Variants in RGS6 observed in about 807,000 individuals in gnomAD.
The protein encoded by RGS6 is regulator of G protein signaling 6, also known as regulator of G-protein signaling 6.
A neutral mutation model predicts 78.5 loss-of-function variants in RGS6; 30 were observed. The ratio of observed to expected loss-of-function variants is 0.38; its 90% CI spans 0.29 to 0.52. RGS6 has a LOEUF of 0.52. RGS6 is among the 20% of genes least tolerant of loss of function. The pLI is 0.85. For synonymous variants in RGS6, 206 were observed against 206.0 expected (o/e 1.00, Z 0.00); for missense variants, 495 against 609.7 (o/e 0.81, Z 1.98).
intron 2 of RGS6, among the ~76,000 whole-genome samples, chr14:72,265,759 C>T (rs1302314680): frequency 2.0e-5 from 3 of 152,148 alleles, no homozygotes; most frequent in African/African-American, 4.8e-5. Flanking sequence ...CATGTACATC[C>T]CTACCTGAGC....
intron 2 of RGS6, among the ~76,000 whole-genome samples, chr14:72,242,004 T>A (rs1284425241): frequency 6.6e-6 from 1 of 152,260 alleles, no homozygotes; most frequent in East Asian, 1.9e-4. Flanking sequence ...GTGACCTATT[T>A]TATCTCAACG....
intron 2 of RGS6, among the ~76,000 whole-genome samples, chr14:72,046,720 A>T (rs539262231): frequency 2.0e-4 from 30 of 152,212 alleles, no homozygotes; most frequent in African/African-American, 7.2e-4. Context: ...TATTAGCATT[A>T]GAAGTATTCC....
chr14:72,144,759 T>C (rs1325486907), intron 2 of RGS6, among the ~76,000 whole-genome samples: 2 of 152,040 alleles, frequency 1.3e-5, no homozygotes, highest in Admixed American at 1.3e-4. Context: ...TTTTTTTTTT[T>C]TTTGAAGCGG....
chr14:72,166,864 A>G (rs1048020097), intron 2 of RGS6, among the ~76,000 whole-genome samples: 2 of 152,140 alleles, frequency 1.3e-5, no homozygotes, highest in African/African-American at 4.8e-5. Flanking sequence ...TTCACTGCCT[A>G]ATTTTTCATG....
At chr14:72,507,011 A>AAAAAG (rs1323777748) in intron 13 of RGS6, among the ~76,000 whole-genome samples, 2 of 138,040 alleles carry the variant, frequency 1.4e-5, no homozygotes, top group African/African-American at 3.1e-5. Flanking sequence ...AAAAAAAAAA[A>AAAAAG]AAAAAAAATT....
intron 15 of RGS6, among the ~76,000 whole-genome samples, chr14:72,534,621 A>G (rs192424247): frequency 2.6e-5 from 4 of 151,982 alleles, no homozygotes; most frequent in Admixed American, 6.5e-5. Flanking sequence ...TCATAGGTTG[A>G]CTCCATATCT....
intron 2 of RGS6, among the ~76,000 whole-genome samples, chr14:72,288,555 T>C (rs1484890854): frequency 6.6e-6 from 1 of 152,178 alleles, no homozygotes; most frequent in Non-Finnish European, 1.5e-5. Context: ...GGAAAGATGA[T>C]AGCACAGGCT....
At chr14:72,484,091 G>A (rs959469651) in intron 12 of RGS6, among the ~76,000 whole-genome samples, 3 of 152,040 alleles carry the variant, frequency 2.0e-5, no homozygotes, top group African/African-American at 7.2e-5. Context: ...CTGGTTCTCT[G>A]TTGTGCATCA....
intron 2 of RGS6, among the ~76,000 whole-genome samples, chr14:72,333,223 T>A (rs1047299866): frequency 6.6e-6 from 1 of 152,198 alleles, no homozygotes; most frequent in Non-Finnish European, 1.5e-5. Context: ...TGGCAAATGA[T>A]CATTTCCGGG....
intron 2 of RGS6, among the ~76,000 whole-genome samples, chr14:71,966,594 AAGTT>A (rs1405164190): frequency 6.6e-6 from 1 of 152,170 alleles, no homozygotes; most frequent in African/African-American, 2.4e-5. Context: ...GTATGACTGT[AAGTT>A]AGTTCTTTAA....
At chr14:72,491,107 A>T (rs2096572008) in intron 12 of RGS6, among the ~76,000 whole-genome samples, 1 of 152,218 alleles carries the variant, frequency 6.6e-6, no homozygotes, top group African/African-American at 2.4e-5. Flanking sequence ...GCCCTTTGCA[A>T]TTCAGTAGTA....
At chr14:72,394,658 T>G (rs1393114407) in intron 3 of RGS6, among the ~76,000 whole-genome samples, 1 of 152,244 alleles carries the variant, frequency 6.6e-6, no homozygotes, top group African/African-American at 2.4e-5. Context: ...CCTTGTTCCT[T>G]GAACATTGCT....
chr14:72,275,280 G>C (rs1163641629), intron 2 of RGS6, among the ~76,000 whole-genome samples: 1 of 152,180 alleles, frequency 6.6e-6, no homozygotes, highest in African/African-American at 2.4e-5. Context: ...GGAGATGGCA[G>C]TTTTAGTCAC....
intron 2 of RGS6, among the ~76,000 whole-genome samples, chr14:72,265,981 A>T (rs1321928197): frequency 6.6e-6 from 1 of 151,168 alleles, no homozygotes; most frequent in Non-Finnish European, 1.5e-5. Context: ...ACAGCTCCTC[A>T]TACTTGCTGT....
intron 2 of RGS6, among the ~76,000 whole-genome samples, chr14:72,109,071 A>T (rs557790772): frequency 6.6e-5 from 10 of 151,896 alleles, no homozygotes; most frequent in Admixed American, 2.6e-4. Context: ...AATTTTTTTT[A>T]AAAAACTTGC....
At chr14:72,547,259 G>A (rs1234697168) in intron 17 of RGS6, 2 of 1,535,684 alleles carry the variant, frequency 1.3e-6, no homozygotes, top group East Asian at 2.4e-5. Context: ...CGACAGCACT[G>A]CCAATGTCAC....
chr14:71,912,230 C>T, the RGS6 span, among the ~76,000 whole-genome samples: 183 of 152,246 alleles, frequency 1.2e-3, 1 homozygote, highest in Non-Finnish European at 2.0e-3. Context: ...AGAGTCTAAT[C>T]GTGATTAGCA....
chr14:72,122,003 C>T (rs1052843568), intron 2 of RGS6, among the ~76,000 whole-genome samples: 1 of 152,170 alleles, frequency 6.6e-6, no homozygotes, highest in South Asian at 2.1e-4. Flanking sequence ...TATCTTCCTA[C>T]AGTGTACAAG....
chr14:72,182,195 G>A (rs902536211), intron 2 of RGS6, among the ~76,000 whole-genome samples: 2 of 152,036 alleles, frequency 1.3e-5, no homozygotes, highest in Non-Finnish European at 2.9e-5. Context: ...GGATCATGCG[G>A]TCAAGAGATC....
Sources: gnomAD v4.1 joint callset for allele counts (sites outside exome capture counted in the v4.1 genomes callset) on GRCh38, gnomAD v4.1.1 for gene constraint, MANE v1.5 for transcripts, NCBI Gene and HGNC (gene_info 2026-07-23, HGNC 2026-07-21) for gene names.